The following NDUFAF2 variants were observed in gnomAD, a reference collection of about 807,000 sequenced individuals.
NDUFAF2 encodes NADH:ubiquinone oxidoreductase complex assembly factor 2, also known as NADH dehydrogenase [ubiquinone] 1 alpha subcomplex assembly factor 2.
Under a neutral mutation model 22.8 loss-of-function variants are expected in NDUFAF2, and 13 were observed. That is an observed-to-expected ratio of 0.57 (90% CI 0.37 to 0.91). NDUFAF2 has a LOEUF of 0.91. NDUFAF2 is among the 40% of genes least tolerant of loss of function. The pLI, the probability that NDUFAF2 is intolerant of heterozygous loss-of-function variation, is 0.01. For synonymous variants in NDUFAF2, 53 were observed against 64.2 expected (o/e 0.83, Z 0.84); for missense variants, 162 against 195.2 (o/e 0.83, Z 1.01).
At chr5:60,988,701 T>C (rs144831346) in intron 1 of NDUFAF2, among the ~76,000 whole-genome samples, 1 of 152,264 alleles carries the variant, frequency 6.6e-6, no homozygotes, top group East Asian at 1.9e-4. Flanking sequence ...ATTCTACAAA[T>C]GATGCTGGGA....
chr5:61,094,944 G>A (rs1009453713), intron 2 of NDUFAF2, among the ~76,000 whole-genome samples: 2 of 152,206 alleles, frequency 1.3e-5, no homozygotes, highest in Non-Finnish European at 2.9e-5. Context: ...AGGAGGAACA[G>A]GATCAGAGAC....
At chr5:61,015,082 A>G (rs1436863288) in intron 1 of NDUFAF2, among the ~76,000 whole-genome samples, 1 of 152,156 alleles carries the variant, frequency 6.6e-6, no homozygotes, top group Admixed American at 6.6e-5. Context: ...AACTATCACA[A>G]GCAAGGCTGA....
intron 1 of NDUFAF2, among the ~76,000 whole-genome samples, chr5:61,033,685 T>C (rs1751756863): frequency 6.6e-6 from 1 of 152,074 alleles, no homozygotes; most frequent in African/African-American, 2.4e-5. Context: ...TAAACTCTCC[T>C]TAGGTAGAAT....
intron 1 of NDUFAF2, among the ~76,000 whole-genome samples, chr5:61,016,246 G>A (rs183908377): frequency 1.6e-4 from 24 of 151,976 alleles, no homozygotes; most frequent in Admixed American, 2.6e-4. Context: ...AAGTATTATA[G>A]ACACATATAT....
intron 1 of NDUFAF2, among the ~76,000 whole-genome samples, chr5:61,059,183 T>C (rs1465163265): frequency 2.0e-5 from 3 of 152,060 alleles, no homozygotes; most frequent in Non-Finnish European, 4.4e-5. Context: ...TAATTATAAA[T>C]CTTCTTAGAT....
At chr5:61,098,555 A>C (rs914233448) in intron 2 of NDUFAF2, among the ~76,000 whole-genome samples, 20 of 152,180 alleles carry the variant, frequency 1.3e-4, no homozygotes, top group Admixed American at 4.6e-4. Context: ...TAAATGAAAA[A>C]CTTTTCTAAG....
chr5:61,107,772 C>T (rs1006856855), intron 3 of NDUFAF2, among the ~76,000 whole-genome samples: 1 of 148,958 alleles, frequency 6.7e-6, no homozygotes, highest in Non-Finnish European at 1.5e-5. Flanking sequence ...CCCACTAACT[C>T]GTCATCTAGC....
chr5:61,066,745 G>T (rs535412263), intron 1 of NDUFAF2, among the ~76,000 whole-genome samples: 2 of 152,120 alleles, frequency 1.3e-5, no homozygotes, highest in East Asian at 1.9e-4. Flanking sequence ...AGTCTAAATG[G>T]TATGTAAATA....
intron 1 of NDUFAF2, among the ~76,000 whole-genome samples, chr5:61,040,282 A>ACGCGCGCGCGCGCG (rs1263125156): frequency 2.7e-4 from 23 of 84,040 alleles, no homozygotes; most frequent in African/African-American, 1.1e-3. Context: ...ACACACACAC[A>ACGCGCGCGCGCGCG]CACACGCGCG....
intron 3 of NDUFAF2, among the ~76,000 whole-genome samples, chr5:61,143,061 AT>A (rs1035767593): frequency 3.3e-5 from 5 of 152,184 alleles, no homozygotes; most frequent in Non-Finnish European, 5.9e-5. Context: ...ATGTTACAAA[AT>A]TAACACTGTA....
intron 1 of NDUFAF2, among the ~76,000 whole-genome samples, chr5:60,986,464 A>T (rs1013556258): frequency 6.6e-6 from 1 of 152,226 alleles, no homozygotes; most frequent in Non-Finnish European, 1.5e-5. Flanking sequence ...GGGCACAGAT[A>T]TGGCAGCATT....
At chr5:61,125,165 GTTTCTGTATTTCTTTT>G (rs1561572467) in intron 3 of NDUFAF2, among the ~76,000 whole-genome samples, 1 of 151,894 alleles carries the variant, frequency 6.6e-6, no homozygotes, top group Non-Finnish European at 1.5e-5. Context: ...GTGTCACATT[GTTTCTGTATTTCTTTT>G]TTCTACATTC....
At chr5:61,045,865 A>C (rs1291692185) in intron 1 of NDUFAF2, among the ~76,000 whole-genome samples, 1 of 152,092 alleles carries the variant, frequency 6.6e-6, no homozygotes, top group Non-Finnish European at 1.5e-5. Flanking sequence ...ATTGAATAGA[A>C]GTGGTGAGAG....
At chr5:61,001,263 T>C (rs569563140) in intron 1 of NDUFAF2, among the ~76,000 whole-genome samples, 9 of 152,276 alleles carry the variant, frequency 5.9e-5, no homozygotes, top group African/African-American at 2.2e-4. Context: ...CTTATACTTT[T>C]ACTTTTAGGT....
intron 1 of NDUFAF2, among the ~76,000 whole-genome samples, chr5:61,008,185 G>A (rs892043672): frequency 1.3e-5 from 2 of 150,486 alleles, no homozygotes; most frequent in African/African-American, 4.9e-5. Context: ...ATAGCTTTAG[G>A]AGATATACCT....
At chr5:60,989,137 G>A (rs1435316076) in intron 1 of NDUFAF2, among the ~76,000 whole-genome samples, 1 of 152,156 alleles carries the variant, frequency 6.6e-6, no homozygotes, top group African/African-American at 2.4e-5. Context: ...AGACATACAT[G>A]CAGCCAACAA....
At chr5:60,953,709 T>C (rs1343719444) in intron 1 of NDUFAF2, among the ~76,000 whole-genome samples, 9 of 152,166 alleles carry the variant, frequency 5.9e-5, no homozygotes, top group African/African-American at 2.2e-4. Context: ...TATACGAGCT[T>C]AAAAGGAGTA....
chr5:60,983,717 G>A (rs1344514695), intron 1 of NDUFAF2, among the ~76,000 whole-genome samples: 2 of 150,414 alleles, frequency 1.3e-5, no homozygotes, highest in African/African-American at 4.9e-5. Context: ...TTGTAGATAT[G>A]CGGCATTATT....
At chr5:61,070,167 T>C (rs1752277265) in intron 1 of NDUFAF2, among the ~76,000 whole-genome samples, 2 of 152,188 alleles carry the variant, frequency 1.3e-5, no homozygotes, top group Admixed American at 6.5e-5. Context: ...AAATGTAAAT[T>C]AGAACCTAAA....
Sources: gnomAD v4.1 joint callset for allele counts (sites outside exome capture counted in the v4.1 genomes callset) on GRCh38, gnomAD v4.1.1 for gene constraint, MANE v1.5 for transcripts, NCBI Gene and HGNC (gene_info 2026-07-23, HGNC 2026-07-21) for gene names.